CDC14B: variants seen among roughly 807,000 people sequenced by gnomAD.
CDC14B encodes the protein dual specificity protein phosphatase CDC14B.
CDC14B carries 22 observed loss-of-function variants against 64.2 expected under a neutral mutation model. That is an observed-to-expected ratio of 0.34 (90% CI 0.24 to 0.49). CDC14B has a LOEUF of 0.49. CDC14B is among the 20% of genes least tolerant of loss of function. CDC14B has a pLI of 0.99. For synonymous variants in CDC14B, 191 were observed against 215.8 expected (o/e 0.89, Z 1.01); for missense variants, 498 against 629.9 (o/e 0.79, Z 2.24).
Position 96,523,725 on chromosome 9 carries a change from G to A in CDC14B, c.947C>T (p.Ala316Val), listed in dbSNP as rs751177438. The change falls in exon 10 of 14, where the codon GCT becomes GTT. Residue 316 changes from alanine (A) to valine (V), a missense_variant and splice_region_variant. Transcript: ENST00000375241. Reference sequence around the variant, plus strand: ...CAGAGTGCCCGTGCGACCAAGGCCAGCTAGGAAAATAAAGAAGCACAGAAA... The same window carrying A: ...CAGAGTGCCCGTGCGACCAAGGCCAACTAGGAAAATAAAGAAGCACAGAAA... Reference protein sequence around the residue: ...AEGAIAVHCKAGLGRTGTLIA... With the variant: ...AEGAIAVHCKVGLGRTGTLIA... 2.5e-6 allele frequency: 4 copies of A among 1,610,350 alleles called. No individual in the cohort carries two copies. In the South Asian group the frequency reaches 4.4e-5, roughly 18 times the overall value.
chr9:96,610,822 AACT>A (rs1847266989), intron 1 of CDC14B, among the ~76,000 whole-genome samples: 1 of 152,240 alleles, frequency 6.6e-6, no homozygotes, highest in African/African-American at 2.4e-5. Context: ...ATATCGCAGA[AACT>A]ACTTTCAGTA....
chr9:96,522,032 T>C (rs1247562098), intron 12 of CDC14B, among the ~76,000 whole-genome samples: 1 of 152,170 alleles, frequency 6.6e-6, no homozygotes, highest in Non-Finnish European at 1.5e-5. Flanking sequence ...AATTAGAAAA[T>C]CATTCCCCAA....
rs2119129199 is a variant in CDC14B at position 96,619,219 on chromosome 9, C to T, written c.160G>A (p.Asp54Asn). Residue 54 changes from aspartate to asparagine, a missense_variant and splice_region_variant, in exon 1 of 14, where the codon GAT becomes AAT. By Grantham distance (23) the Asp-to-Asn change is conservative (BLOSUM62 1). Transcript: ENST00000375241. ...PQDDVYLDIT[D>N]RLCFAILYSR... ...TCCGCGCGCCCACTGGCCGGCTCAC[C>T]GGTGATGTCCAGGTACACGTCGTCC... The T allele has an allele frequency of 1.5e-6, 2 of 1,311,316 alleles. No homozygotes were observed. The highest frequency in any genetic ancestry group is 3.0e-5 in the East Asian group (1 of 33,640). 81.2% of individuals were successfully genotyped at this position (1,311,316 alleles called of 1,614,324 possible).
intron 1 of CDC14B, among the ~76,000 whole-genome samples, chr9:96,579,108 G>A (rs1471900415): frequency 1.3e-5 from 2 of 151,862 alleles, no homozygotes; most frequent in Non-Finnish European, 1.5e-5. Flanking sequence ...ATGAGCCACC[G>A]CACCCAGCCC....
intron 1 of CDC14B, among the ~76,000 whole-genome samples, chr9:96,590,293 C>T (rs780213952): frequency 2.3e-4 from 35 of 152,230 alleles, no homozygotes; most frequent in Admixed American, 5.2e-4. Context: ...CCTGAAGCTT[C>T]ATCCATGTTG....
chr9:96,591,206 T>G (rs1306662496), intron 1 of CDC14B, among the ~76,000 whole-genome samples: 1 of 152,230 alleles, frequency 6.6e-6, no homozygotes, highest in African/African-American at 2.4e-5. Context: ...CATTTTCCTA[T>G]GCTTTTGTCT....
At chr9:96,528,608 T>C (rs752441904) in intron 9 of CDC14B, among the ~76,000 whole-genome samples, 1 of 152,218 alleles carries the variant, frequency 6.6e-6, no homozygotes, top group Non-Finnish European at 1.5e-5. Flanking sequence ...CTGTCAATTG[T>C]TTCTGAGCAT....
chr9:96,491,389 A>G (rs1833094146), exon 14 of CDC14B: 2 of 152,244 alleles, frequency 1.3e-5, no homozygotes, highest in South Asian at 4.1e-4. Context: ...GCAGTCGGTC[A>G]TGATTTTGTT....
chr9:96,543,421 G>A (rs748177676), intron 5 of CDC14B, among the ~76,000 whole-genome samples: 1 of 151,756 alleles, frequency 6.6e-6, no homozygotes, highest in Non-Finnish European at 1.5e-5. Flanking sequence ...GGTGTAAACA[G>A]CTGTGCCCTA....
intron 13 of CDC14B, among the ~76,000 whole-genome samples, chr9:96,505,285 C>G (rs1433020579): frequency 6.6e-6 from 1 of 152,144 alleles, no homozygotes; most frequent in East Asian, 1.9e-4. Flanking sequence ...GAGCCCCGGA[C>G]CTTAGGTTTG....
intron 3 of CDC14B, among the ~76,000 whole-genome samples, chr9:96,563,055 C>A (rs1843429498): frequency 6.6e-6 from 1 of 152,158 alleles, no homozygotes; most frequent in Non-Finnish European, 1.5e-5. Flanking sequence ...AAAGAGCAAA[C>A]CAAGAGTGGT....
At chr9:96,555,945 T>C (rs1842448380) in intron 4 of CDC14B, among the ~76,000 whole-genome samples, 1 of 152,124 alleles carries the variant, frequency 6.6e-6, no homozygotes, top group African/African-American at 2.4e-5. Context: ...GGTATTGAAC[T>C]AGCAGTGATG....
downstream of CDC14B, among the ~76,000 whole-genome samples, chr9:96,496,791 T>G (rs1833265933): frequency 6.6e-6 from 1 of 152,142 alleles, no homozygotes; most frequent in South Asian, 2.1e-4. Flanking sequence ...CTCCAGCTCC[T>G]TCCTCTGCCC....
chr9:96,584,925 G>C (rs970834334), intron 1 of CDC14B, among the ~76,000 whole-genome samples: 1 of 152,130 alleles, frequency 6.6e-6, no homozygotes, highest in Admixed American at 6.5e-5. Flanking sequence ...CAAAGTGCTG[G>C]GATTACAAGC....
chr9:96,617,449 A>T (rs1189658975), intron 1 of CDC14B, among the ~76,000 whole-genome samples: 1 of 152,106 alleles, frequency 6.6e-6, no homozygotes, highest in Non-Finnish European at 1.5e-5. Flanking sequence ...ATTTAAATCC[A>T]TACGTACTTG....
downstream of CDC14B, among the ~76,000 whole-genome samples, chr9:96,499,036 T>G (rs529968188): frequency 6.6e-6 from 1 of 152,296 alleles, no homozygotes; most frequent in Admixed American, 6.5e-5. Flanking sequence ...TTTGCAGCAC[T>G]CAGGGACTTC....
chr9:96,571,040 A>C (rs1199803655), intron 1 of CDC14B, among the ~76,000 whole-genome samples: 2 of 152,258 alleles, frequency 1.3e-5, no homozygotes, highest in East Asian at 3.8e-4. Context: ...TCAGTAACAA[A>C]GAAGGCCTTA....
intron 5 of CDC14B, among the ~76,000 whole-genome samples, chr9:96,547,141 A>C (rs1841038353): frequency 6.6e-6 from 1 of 151,864 alleles, no homozygotes; most frequent in Non-Finnish European, 1.5e-5. Context: ...AAGGCCAGGT[A>C]CTATATCAAG....
rs1018572313 is a variant in CDC14B at position 96,566,712 on chromosome 9, C to T, written c.161-1229G>A. On this transcript the variant is annotated intron_variant, in intron 1 of 13. Coordinates refer to ENST00000375241, the MANE Select transcript of CDC14B (RefSeq NM_033331.4). ...CACCTCCAAGCCAGCACTGCCCGCC[C>T]TGTCCCAGCGCGGGTGCCGGAGCCC... The T allele has an allele frequency of 3.2e-6, 5 of 1,543,058 alleles. No individual in the cohort carries two copies. In the African/African-American group the frequency reaches 6.8e-5, roughly 21 times the overall value.
Sources: gnomAD v4.1 joint callset for allele counts (sites outside exome capture counted in the v4.1 genomes callset) on GRCh38, gnomAD v4.1.1 for gene constraint, MANE v1.5 for transcripts, NCBI Gene and HGNC (gene_info 2026-07-23, HGNC 2026-07-21) for gene names.